Variants in RNF144B observed in about 807,000 individuals in gnomAD.
The protein encoded by RNF144B is E3 ubiquitin-protein ligase RNF144B.
Under a neutral mutation model 40.2 loss-of-function variants are expected in RNF144B, and 25 were observed. That is an observed-to-expected ratio of 0.62 (90% CI 0.45 to 0.87). RNF144B has a LOEUF of 0.87. Among genes scored for constraint, RNF144B ranks in the 40% least tolerant of loss-of-function variants. The pLI is 0.00. For synonymous variants in RNF144B, 145 were observed against 136.3 expected (o/e 1.06, Z -0.44); for missense variants, 365 against 373.7 (o/e 0.98, Z 0.19).
chr6:18,451,456 A>C (rs1167204527), intron 4 of RNF144B, among the ~76,000 whole-genome samples: 2 of 152,212 alleles, frequency 1.3e-5, no homozygotes, highest in Non-Finnish European at 2.9e-5. Context: ...GAAACCTAGA[A>C]GTAAGACCTG....
At position 18,400,106 on chromosome 6, in the gene RNF144B, C is replaced by A. The variant is rs1562040461; in HGVS notation, c.165+407C>A. Among the ~76,000 whole-genome samples the A allele has an allele frequency of 1.3e-5, 2 of 151,960 alleles. No individual in the cohort carries two copies. Among genetic ancestry groups the A allele is most frequent in the Non-Finnish European group, 2.9e-5 (2 of 67,992 alleles). On this transcript the variant is annotated intron_variant, in intron 2 of 7. Coordinates refer to ENST00000259939, the MANE Select transcript of RNF144B (RefSeq NM_182757.4). This position sits in a 1 kb window ranked among gnomAD's most constrained non-coding sequence, Gnocchi z 5.6. ...CTAACATGGTAAAACCCCGTCTCTA[C>A]TAAAAATACAAAAGAAATTAGCTGG...
Position 18,458,983 on chromosome 6 carries a change from C to T in RNF144B, c.537-624C>T, listed in dbSNP as rs139266304. On this transcript the variant is annotated intron_variant, in intron 5 of 7. Transcript: ENST00000259939. This position sits in a 1 kb window ranked among gnomAD's most constrained non-coding sequence, Gnocchi z 4.8. ...TGACAATATGAGGTTATTGTTCATA[C>T]GAAGTCTGATAATAGATTTGACAAC... 1.7e-4 allele frequency among the ~76,000 whole-genome samples: 26 copies of T among 152,208 alleles called. No individual in the cohort carries two copies. Among genetic ancestry groups the T allele is most frequent in the African/African-American group, 4.3e-4 (18 of 41,538 alleles).
chr6:18,436,106 A>C (rs986701457), intron 3 of RNF144B, among the ~76,000 whole-genome samples: 2 of 152,154 alleles, frequency 1.3e-5, no homozygotes, highest in African/African-American at 2.4e-5. Context: ...TGTTGTCCTC[A>C]TGTAGCTCCT....
chr6:18,431,242 TA>T (rs67599199), intron 3 of RNF144B, among the ~76,000 whole-genome samples: 18,188 of 148,250 alleles, frequency 0.12, 1,311 homozygotes, highest in Admixed American at 0.19. Flanking sequence ...AAATAAAAAA[TA>T]AAAAAAAAAG....
rs1331558123 is a variant in RNF144B at position 18,466,794 on chromosome 6, G to C, written c.*1727G>C. ...CCTAAGTGGGGATGTGTATATTTCA[G>C]GAACTTTAATTCACAAGTATATATT... On this transcript the variant is annotated 3_prime_UTR_variant, in exon 8 of 8. Transcript: ENST00000259939. 1.3e-5 allele frequency: 2 copies of C among 152,572 alleles called. No homozygotes were observed. Among genetic ancestry groups the C allele is most frequent in the African/African-American group, 4.8e-5 (2 of 41,420 alleles). 9.5% of individuals were successfully genotyped at this position (152,572 alleles called of 1,614,324 possible).
At position 18,456,877 on chromosome 6, in the gene RNF144B, A is replaced by G. The variant is rs997203889; in HGVS notation, c.332-278A>G. Among the ~76,000 whole-genome samples, 3 of 152,178 alleles carry G rather than the reference A, an allele frequency of 2.0e-5. No individual in the cohort carries two copies. The highest frequency in any genetic ancestry group is 7.2e-5 in the African/African-American group (3 of 41,444). On this transcript the variant is annotated intron_variant, in intron 4 of 7. Coordinates refer to ENST00000259939, the MANE Select transcript of RNF144B (RefSeq NM_182757.4). The surrounding 1 kb of genome is among the most constrained non-coding windows in gnomAD (Gnocchi z 4.7). ...CAGGAATTCGAGATCAGCCTGGCCA[A>G]CAAGGTGAAACCTGTCTCTACTAAA...
intron 4 of RNF144B, among the ~76,000 whole-genome samples, chr6:18,455,856 A>G (rs972934551): frequency 3.3e-5 from 5 of 152,106 alleles, no homozygotes; most frequent in African/African-American, 1.2e-4. Context: ...TGGTCTGTGA[A>G]AGTCTCTCTG....
chr6:18,393,592 T>C (rs1794630062), intron 1 of RNF144B, among the ~76,000 whole-genome samples: 1 of 152,256 alleles, frequency 6.6e-6, no homozygotes, highest in South Asian at 2.1e-4. Context: ...AAGATCAACA[T>C]AATGCTGATT....
In RNF144B at chr6:18,395,166, G is replaced by T. The variant is rs1226443705; in HGVS notation, c.-36-4333G>T. Among the ~76,000 whole-genome samples the T allele has an allele frequency of 6.6e-6, 1 of 152,192 alleles. No homozygotes were observed. Among genetic ancestry groups the T allele is most frequent in the East Asian group, 1.9e-4 (1 of 5,196 alleles). On this transcript the variant is annotated intron_variant, in intron 1 of 7. Coordinates refer to ENST00000259939, the MANE Select transcript of RNF144B (RefSeq NM_182757.4). The surrounding 1 kb of genome is among the most constrained non-coding windows in gnomAD (Gnocchi z 4.5). ...TTAGCTTTTAAAATCAAGTGGTAGG[G>T]TGGATAATTCAAGTCACTTTCTTAT...
rs1758913289 is a variant in RNF144B, at chr6:18,439,694, T to C, written c.281T>C (p.Leu94Ser). Residue 94 changes from leucine (L) to serine (S), a missense_variant, in exon 4 of 8, where the codon TTG becomes TCG. By Grantham distance (145) the Leu-to-Ser change is moderately radical. Transcript: ENST00000259939. ...GTLQEAEIACLVPVDQFQLYQ... is the reference protein window; with the variant it reads ...GTLQEAEIACSVPVDQFQLYQ... Reference sequence around the variant, plus strand: ...TGTCTCTGGTTTCAGATTGCCTGTTTGGTACCTGTGGACCAGTTTCAACTT... The same window carrying C: ...TGTCTCTGGTTTCAGATTGCCTGTTCGGTACCTGTGGACCAGTTTCAACTT... 3 of 1,612,568 alleles carry C rather than the reference T, an allele frequency of 1.9e-6. No homozygotes were observed. The highest frequency in any genetic ancestry group is 2.7e-5 in the African/African-American group (2 of 75,022).
rs72832472 is a variant in RNF144B at position 18,441,923 on chromosome 6, G to A, written c.331+2179G>A. Among the ~76,000 whole-genome samples, 8 of 152,252 alleles carry A rather than the reference G, an allele frequency of 5.3e-5. No homozygotes were observed. The highest frequency in any genetic ancestry group is 1.9e-4 in the East Asian group (1 of 5,182). ...AATAAAAATAACTTAAAAGTAGCAC[G>A]TTTTAAATTAAATTATTCTCAATGT... is the stretch of plus-strand genomic sequence containing the variant. On this transcript the variant is annotated intron_variant, in intron 4 of 7. Transcript: ENST00000259939. The surrounding 1 kb of genome is among the most constrained non-coding windows in gnomAD (Gnocchi z 4.9).
intron 6 of RNF144B, among the ~76,000 whole-genome samples, chr6:18,461,024 G>A (rs1759441441): frequency 1.3e-5 from 2 of 152,170 alleles, no homozygotes; most frequent in South Asian, 2.1e-4. Flanking sequence ...AGCGATTTGT[G>A]TAGTGCTTTA....
intron 3 of RNF144B, among the ~76,000 whole-genome samples, chr6:18,428,455 C>A (rs1278744746): frequency 6.6e-6 from 1 of 152,056 alleles, no homozygotes; most frequent in Non-Finnish European, 1.5e-5. Context: ...GAGTAGAGAC[C>A]TTTCAATTGA....
In RNF144B at chr6:18,444,169, G is replaced by A. The variant is rs1759027777; in HGVS notation, c.331+4425G>A. On this transcript the variant is annotated intron_variant, in intron 4 of 7. Transcript: ENST00000259939. The surrounding 1 kb of genome is among the most constrained non-coding windows in gnomAD (Gnocchi z 4.3). The stretch of plus-strand genomic sequence containing the variant: ...AGTCTGACGGAAAATATTTTGAATA[G>A]GATTGCACAAAAATCATCCTCCTGC... 6.6e-6 allele frequency among the ~76,000 whole-genome samples: 1 copy of A among 152,128 alleles called. No homozygotes were observed. Among genetic ancestry groups the A allele is most frequent in the African/African-American group, 2.4e-5 (1 of 41,420 alleles).
chr6:18,444,851 C>T lies in RNF144B; in HGVS notation c.331+5107C>T, dbSNP rs888429346. On this transcript the variant is annotated intron_variant, in intron 4 of 7. Coordinates refer to ENST00000259939, the MANE Select transcript of RNF144B (RefSeq NM_182757.4). The surrounding 1 kb of genome is among the most constrained non-coding windows in gnomAD (Gnocchi z 4.3). ...TCTTTGAAAGCCCTTTTGTTCTCAG[C>T]ATTCTCCTCAAGCCTCCTTTCATTT... Among the ~76,000 whole-genome samples the T allele has an allele frequency of 6.6e-6, 1 of 152,152 alleles. No homozygotes were observed. The highest frequency in any genetic ancestry group is 1.5e-5 in the Non-Finnish European group (1 of 68,030).
chr6:18,440,721 T>C (rs1758939640), intron 4 of RNF144B, among the ~76,000 whole-genome samples: 1 of 13,332 alleles, frequency 7.5e-5, no homozygotes, highest in Non-Finnish European at 5.9e-4. Context: ...TGGGGATACA[T>C]AGGTTAATAG....
intron 4 of RNF144B, among the ~76,000 whole-genome samples, chr6:18,452,206 A>G (rs1342865589): frequency 2.0e-5 from 3 of 152,232 alleles, no homozygotes; most frequent in Non-Finnish European, 2.9e-5. Flanking sequence ...CTCTGAATCA[A>G]TAGGTGGGCA....
At chr6:18,396,242 T>C (rs1794691968) in intron 1 of RNF144B, 1 of 397,764 alleles carries the variant, frequency 2.5e-6, no homozygotes, top group African/African-American at 2.2e-5. Flanking sequence ...AAGAAGACTA[T>C]TTCTAAGAAA....
chr6:18,431,078 A>G (rs1758684464), intron 3 of RNF144B, among the ~76,000 whole-genome samples: 1 of 151,994 alleles, frequency 6.6e-6, no homozygotes, highest in African/African-American at 2.4e-5. Context: ...CCTTTCTACT[A>G]AAAAGACAAA....
Sources: gnomAD v4.1 joint callset for allele counts (sites outside exome capture counted in the v4.1 genomes callset) on GRCh38, gnomAD v4.1.1 for gene constraint, Gnocchi (gnomAD v3.1) non-coding constraint, MANE v1.5 for transcripts, NCBI Gene and HGNC (gene_info 2026-07-23, HGNC 2026-07-21) for gene names.